The following RABGAP1 variants were observed in gnomAD, a reference collection of about 807,000 sequenced individuals.
RABGAP1 encodes RAB GTPase activating protein 1, also known as rab GTPase-activating protein 1.
Under a neutral mutation model 137.6 loss-of-function variants are expected in RABGAP1, and 23 were observed. That is an observed-to-expected ratio of 0.17 (90% CI 0.12 to 0.24). The LOEUF (loss-of-function observed/expected upper bound fraction) is 0.24. RABGAP1 is among the 10% of genes least tolerant of loss of function. The pLI is 1.00. For synonymous variants in RABGAP1, 451 were observed against 450.7 expected (o/e 1.00, Z -0.01); for missense variants, 906 against 1,275.8 (o/e 0.71, Z 4.42).
upstream of RABGAP1, chr9:122,940,231 A>G (rs1833476644): frequency 1.3e-5 from 2 of 152,322 alleles, no homozygotes. Flanking sequence ...TGCATTGTAC[A>G]TTCATTGAGG....
Position 122,990,180 on chromosome 9 carries a change from A to T in RABGAP1, c.890A>T (p.Glu297Val). ...SDIFTFSVSLEIKEDDGKGYF... is the reference protein window; with the variant it reads ...SDIFTFSVSLVIKEDDGKGYF... ...ATCTTTACCTTCTCTGTGTCTTTAG[A>T]AATAAAAGAAGATGATGGTAAAGGT... is the stretch of plus-strand genomic sequence containing the variant. The change falls in exon 6 of 26, where the codon GAA (glutamate) becomes GTA (valine). Residue 297 changes from glutamate (E) to valine (V), a missense_variant. This residue lies in a region of RABGAP1 where 331 missense variants were observed against 358.3 expected (regional missense o/e 0.92). Coordinates refer to ENST00000373647, the MANE Select transcript of RABGAP1 (RefSeq NM_012197.4). 1 of 1,610,296 alleles carries T rather than the reference A, an allele frequency of 6.2e-7. No individual in the cohort carries two copies. The highest frequency in any genetic ancestry group is 8.5e-7 in the Non-Finnish European group (1 of 1,177,014).
intron 20 of RABGAP1, 68 bp downstream of exon 20, chr9:123,089,918 C>G: frequency 1.5e-6 from 2 of 1,368,508 alleles, no homozygotes; most frequent in Non-Finnish European, 2.1e-6. Context: ...GCGCCTGTAA[C>G]TAGCTTTATT....
At chr9:123,053,033 A>C (rs1287348384) in intron 13 of RABGAP1, among the ~76,000 whole-genome samples, 1 of 152,250 alleles carries the variant, frequency 6.6e-6, no homozygotes, top group East Asian at 1.9e-4. Context: ...CAGGCTAAGA[A>C]TACTATACAC....
chr9:123,037,735 A>T lies in RABGAP1; in HGVS notation c.1794+17276A>T, dbSNP rs662117. Reference sequence around the variant, plus strand: ...TTTGATCTTATTTTGTTGTGTGTGTATGTGTTGGGAGAGAGGAGATGCTCC... The same window carrying T: ...TTTGATCTTATTTTGTTGTGTGTGTTTGTGTTGGGAGAGAGGAGATGCTCC... On this transcript the variant is annotated intron_variant, in intron 13 of 25. Transcript: ENST00000373647. 1.6e-4 allele frequency among the ~76,000 whole-genome samples: 24 copies of T among 151,810 alleles called. No individual in the cohort carries two copies. The East Asian group carries it at 4.6e-3, about 29-fold the overall frequency.
At chr9:123,020,568 A>G (rs528907058) in intron 13 of RABGAP1, 109 bp downstream of exon 13, 1 of 1,115,410 alleles carries the variant, frequency 9.0e-7, no homozygotes, top group East Asian at 3.1e-5. Flanking sequence ...AATTTATTTA[A>G]GAATAGAACT....
chr9:123,014,152 A>G (rs759665991), intron 11 of RABGAP1, among the ~76,000 whole-genome samples: 4 of 152,212 alleles, frequency 2.6e-5, no homozygotes, highest in Admixed American at 1.3e-4. Flanking sequence ...TCTGAGTGTC[A>G]AGCAAGAGGA....
Position 122,957,172 on chromosome 9 carries a change from C to T in RABGAP1, c.113C>T (p.Thr38Ile). The T allele has an allele frequency of 6.4e-7, 1 of 1,569,136 alleles. No homozygotes were observed. Among genetic ancestry groups the T allele is most frequent in the Non-Finnish European group, 8.7e-7 (1 of 1,148,764 alleles). The change falls in exon 2 of 26, where the codon ACA (threonine) becomes ATA (isoleucine). Residue 38 changes from threonine to isoleucine, a missense_variant. Physicochemically the swap from Thr to Ile is moderately conservative, Grantham distance 89. This residue lies in a region of RABGAP1 where 331 missense variants were observed against 358.3 expected (regional missense o/e 0.92). Transcript: ENST00000373647. ...AGGCAAGGAGATGAGACACCATCTA[C>T]AAATAATGGAAGTGATGATGAGAAA... ...VSRQGDETPSTNNGSDDEKTG... is the reference protein window; with the variant it reads ...VSRQGDETPSINNGSDDEKTG...
chr9:122,997,248 T>C lies in RABGAP1; in HGVS notation c.1102-11T>C. On this transcript the variant is annotated splice_polypyrimidine_tract_variant and intron_variant, in intron 8 of 25. Transcript: ENST00000373647. ...GTGGCATTCGGGTTTATTTTTACTC[T>C]TTTTTTCTAGGAATCTATGGGCAAA... The C allele has an allele frequency of 6.3e-7, 1 of 1,587,048 alleles. No homozygotes were observed. The highest frequency in any genetic ancestry group is 8.6e-7 in the Non-Finnish European group (1 of 1,163,980).
At chr9:122,979,891 G>A (rs1835957664) in intron 2 of RABGAP1, among the ~76,000 whole-genome samples, 2 of 152,194 alleles carry the variant, frequency 1.3e-5, no homozygotes, top group Non-Finnish European at 2.9e-5. Context: ...GATAATTGTG[G>A]TATCTGTTAG....
intron 21 of RABGAP1, 141 bp downstream of exon 21, chr9:123,090,526 C>A: frequency 1.6e-6 from 1 of 607,868 alleles, no homozygotes; most frequent in African/African-American, 1.9e-5. Flanking sequence ...TTGTCAGTGT[C>A]ACTTCCCTCC....
At chr9:123,047,926 T>TG (rs1212094897) in intron 13 of RABGAP1, among the ~76,000 whole-genome samples, 1 of 57,828 alleles carries the variant, frequency 1.7e-5, no homozygotes, top group Non-Finnish European at 2.5e-5. Context: ...TGGGTTTTTT[T>TG]TTTTTTTTTT....
At chr9:123,102,192 CT>C (rs1007341827) in intron 25 of RABGAP1, among the ~76,000 whole-genome samples, 11 of 152,250 alleles carry the variant, frequency 7.2e-5, no homozygotes, top group African/African-American at 2.6e-4. Context: ...ATGTCGGGGG[CT>C]TTATAAATGC....
intron 1 of RABGAP1, among the ~76,000 whole-genome samples, chr9:122,943,350 TGA>T (rs1833728737): frequency 6.6e-6 from 1 of 152,158 alleles, no homozygotes; most frequent in Non-Finnish European, 1.5e-5. Context: ...ATTACAGGCG[TGA>T]GCCACTGCGC....
chr9:123,081,322 C>G (rs1412287752), intron 19 of RABGAP1, among the ~76,000 whole-genome samples: 1 of 152,154 alleles, frequency 6.6e-6, no homozygotes, highest in African/African-American at 2.4e-5. Flanking sequence ...CGTCAGTGCC[C>G]CTAACTCGTG....
rs935034460 is a variant in RABGAP1 at position 123,089,241 on chromosome 9, TTGGATGGAG to T, written c.2425-515_2425-507del. 1.4e-4 allele frequency among the ~76,000 whole-genome samples: 21 copies of T among 152,164 alleles called. 1 individual carries two copies. The South Asian group carries it at 1.7e-3, about 12-fold the overall frequency. The stretch of plus-strand genomic sequence containing the variant: ...GAGAGGTGCTAGGATAGTGAGGACT[TTGGATGGAG>T]TCCAACTGCCAGGGCTCAAATCCCA... On this transcript the variant is annotated intron_variant, in intron 19 of 25. Coordinates refer to ENST00000373647, the MANE Select transcript of RABGAP1 (RefSeq NM_012197.4).
intron 13 of RABGAP1, among the ~76,000 whole-genome samples, chr9:123,047,163 T>G (rs962757277): frequency 1.3e-5 from 2 of 152,234 alleles, no homozygotes; most frequent in Admixed American, 6.5e-5. Flanking sequence ...GTCTTTCCAT[T>G]GGTACTTTCA....
At chr9:122,974,258 A>G (rs1350788326) in intron 2 of RABGAP1, among the ~76,000 whole-genome samples, 5 of 152,092 alleles carry the variant, frequency 3.3e-5, no homozygotes, top group African/African-American at 1.2e-4. Flanking sequence ...GTAGTAGGTG[A>G]TAGTTGAGAA....
At chr9:122,946,393 T>C (rs1006144573) in intron 1 of RABGAP1, among the ~76,000 whole-genome samples, 2 of 152,178 alleles carry the variant, frequency 1.3e-5, no homozygotes, top group African/African-American at 4.8e-5. Context: ...TTTTCTTTAT[T>C]GTAGATGAGA....
intron 7 of RABGAP1, 170 bp downstream of exon 7, chr9:122,996,321 T>A: frequency 8.1e-7 from 1 of 1,241,734 alleles, no homozygotes; most frequent in Non-Finnish European, 1.1e-6. Context: ...CTACTATAAA[T>A]AATCAGCTAA....
Sources: allele counts gnomAD v4.1 joint callset (sites outside exome capture counted in the v4.1 genomes callset), GRCh38; gene constraint gnomAD v4.1.1; regional missense constraint gnomAD v4.1.1; transcripts MANE v1.5; gene names NCBI Gene and HGNC (gene_info 2026-07-23, HGNC 2026-07-21).